GUCY1A2: variants seen among roughly 807,000 people sequenced by gnomAD.
GUCY1A2 encodes the protein guanylate cyclase soluble subunit alpha-2.
GUCY1A2 carries 27 observed loss-of-function variants against 63.5 expected under a neutral mutation model. That is an observed-to-expected ratio of 0.43 (90% CI 0.31 to 0.59). GUCY1A2 has a LOEUF of 0.59. GUCY1A2 is among the 20% of genes least tolerant of loss of function. GUCY1A2 has a pLI of 0.11. For synonymous variants in GUCY1A2, 364 were observed against 343.5 expected (o/e 1.06, Z -0.66); for missense variants, 768 against 913.3 (o/e 0.84, Z 2.05).
chr11:106,685,049 A>G lies in GUCY1A2; in HGVS notation c.*2500T>C. On this transcript the variant is annotated 3_prime_UTR_variant, in exon 8 of 8. Transcript: ENST00000526355. Reference sequence around the variant, plus strand: ...TATATAGCAACATTGTAACTACAATAATCAACTATAATAGATTAGCAAAAT... The same window carrying G: ...TATATAGCAACATTGTAACTACAATGATCAACTATAATAGATTAGCAAAAT... 1 of 205,596 alleles carries G rather than the reference A, an allele frequency of 4.9e-6. No individual in the cohort carries two copies. Among genetic ancestry groups the G allele is most frequent in the Non-Finnish European group, 1.0e-5 (1 of 100,482 alleles). The allele number at this position is 205,596 out of a possible 1,614,324, so 12.7% of individuals were successfully genotyped here.
intron 6 of GUCY1A2, among the ~76,000 whole-genome samples, chr11:106,748,699 A>G (rs902508114): frequency 3.3e-5 from 5 of 152,340 alleles, no homozygotes; most frequent in African/African-American, 1.2e-4. Flanking sequence ...ATCTCACTGT[A>G]TATGGCTTAG....
intron 6 of GUCY1A2, among the ~76,000 whole-genome samples, chr11:106,719,244 G>A (rs1160278916): frequency 6.6e-6 from 1 of 151,896 alleles, no homozygotes; most frequent in Non-Finnish European, 1.5e-5. Flanking sequence ...AGTTAATAAG[G>A]AAAATCATTT....
intron 4 of GUCY1A2, among the ~76,000 whole-genome samples, chr11:106,908,429 TG>T (rs1238456310): frequency 2.6e-5 from 4 of 151,982 alleles, no homozygotes; most frequent in Non-Finnish European, 4.4e-5. Flanking sequence ...TTTATGTAAA[TG>T]TGAAATGCAT....
intron 6 of GUCY1A2, among the ~76,000 whole-genome samples, chr11:106,758,898 A>G (rs1408160192): frequency 3.3e-5 from 5 of 152,180 alleles, no homozygotes; most frequent in African/African-American, 4.8e-5. Context: ...GGCAGAGAAG[A>G]TATTTGAAGA....
Position 106,678,339 on chromosome 11 carries a change from G to T in GUCY1A2, c.*9210C>A, listed in dbSNP as rs917882900. 2 of 208,216 alleles carry T rather than the reference G, an allele frequency of 9.6e-6. No individual in the cohort carries two copies. Among genetic ancestry groups the T allele is most frequent in the Non-Finnish European group, 2.0e-5 (2 of 102,348 alleles). The allele number at this position is 208,216 out of a possible 1,614,324, so 12.9% of individuals were successfully genotyped here. On this transcript the variant is annotated 3_prime_UTR_variant, in exon 8 of 8. Transcript: ENST00000526355. ...TTTTACCAAAAAAATTCAGAAGGAGGGTTTCACATTATTGATAAATCAACT... is the reference window on the plus strand; with the variant it reads ...TTTTACCAAAAAAATTCAGAAGGAGTGTTTCACATTATTGATAAATCAACT...
chr11:106,964,524 C>T (rs1004551877), intron 3 of GUCY1A2, among the ~76,000 whole-genome samples: 1 of 152,126 alleles, frequency 6.6e-6, no homozygotes, highest in African/African-American at 2.4e-5. Flanking sequence ...GAAGTATAAG[C>T]TGGGTTCCTC....
chr11:106,881,957 A>C (rs1859829724), intron 4 of GUCY1A2, among the ~76,000 whole-genome samples: 1 of 151,992 alleles, frequency 6.6e-6, no homozygotes, highest in Non-Finnish European at 1.5e-5. Flanking sequence ...AATCCTTCAG[A>C]ATATTCCCAG....
At chr11:106,946,402 A>G (rs1860829582) in intron 3 of GUCY1A2, among the ~76,000 whole-genome samples, 2 of 152,188 alleles carry the variant, frequency 1.3e-5, no homozygotes, top group Admixed American at 1.3e-4. Context: ...CAAGAAAATC[A>G]TATAGCTCAC....
Position 106,939,518 on chromosome 11 carries a change from G to C in GUCY1A2, c.1148C>G (p.Ser383Cys). The C allele has an allele frequency of 6.2e-7, 1 of 1,613,086 alleles. No individual in the cohort carries two copies. Among genetic ancestry groups the C allele is most frequent in the Non-Finnish European group, 8.5e-7 (1 of 1,179,100 alleles). The stretch of plus-strand genomic sequence containing the variant: ...CTTGGTTCTAATCACAAACGGGGTA[G>C]ACAGTCGCAGCAGGACCCTTTCAAA... ...ATFERVLLRL[S>C]TPFVIRTKPE... is the part of the protein sequence containing the mutation. The change falls in exon 4 of 8, where the codon TCT becomes TGT. Residue 383 changes from serine (S) to cysteine (C), a missense_variant. Ser to Cys is a moderately radical substitution (Grantham distance 112). Coordinates refer to ENST00000526355, the MANE Select transcript of GUCY1A2 (RefSeq NM_000855.3).
intron 7 of GUCY1A2, among the ~76,000 whole-genome samples, chr11:106,696,146 G>T (rs916771581): frequency 2.0e-5 from 3 of 152,072 alleles, no homozygotes; most frequent in African/African-American, 4.8e-5. Flanking sequence ...TTACATTCTT[G>T]AATTTTAGGA....
chr11:106,920,260 TG>T (rs1204270234), intron 4 of GUCY1A2, among the ~76,000 whole-genome samples: 5 of 152,050 alleles, frequency 3.3e-5, no homozygotes, highest in African/African-American at 1.2e-4. Context: ...AGAAAGTGGA[TG>T]CAGGGAGTTC....
chr11:106,857,784 A>T (rs1859457675), intron 4 of GUCY1A2, among the ~76,000 whole-genome samples: 1 of 152,238 alleles, frequency 6.6e-6, no homozygotes. Flanking sequence ...CATAGCATTT[A>T]CATTGTATTA....
chr11:106,692,327 C>T (rs1862639642), intron 7 of GUCY1A2, among the ~76,000 whole-genome samples: 1 of 152,122 alleles, frequency 6.6e-6, no homozygotes, highest in Non-Finnish European at 1.5e-5. Flanking sequence ...GTTTACCTGC[C>T]TGTCACCCTT....
chr11:106,920,884 G>A (rs1464128359), intron 4 of GUCY1A2, among the ~76,000 whole-genome samples: 5 of 151,978 alleles, frequency 3.3e-5, no homozygotes, highest in Non-Finnish European at 7.4e-5. Flanking sequence ...TAATGGTAAT[G>A]CAGTAGCTAC....
intron 4 of GUCY1A2, among the ~76,000 whole-genome samples, chr11:106,876,385 T>TA (rs1173176667): frequency 4.0e-5 from 6 of 151,440 alleles, no homozygotes; most frequent in African/African-American, 1.5e-4. Context: ...AAGTGAATTG[T>TA]AAAAAAATTA....
At chr11:106,813,288 G>C (rs1037477995) in intron 4 of GUCY1A2, among the ~76,000 whole-genome samples, 1 of 151,982 alleles carries the variant, frequency 6.6e-6, no homozygotes, top group East Asian at 1.9e-4. Flanking sequence ...CTGAGCTATA[G>C]TAAAGGGTTA....
intron 5 of GUCY1A2, among the ~76,000 whole-genome samples, chr11:106,780,787 G>C (rs79225997): frequency 0.045 from 6,837 of 152,198 alleles, 147 homozygotes; most frequent in East Asian, 0.092. Flanking sequence ...ATTAAGTAAA[G>C]TGTATGTAAT....
chr11:106,924,137 A>G lies in GUCY1A2; in HGVS notation c.1206+15323T>C, dbSNP rs187508019. 2.6e-5 allele frequency among the ~76,000 whole-genome samples: 4 copies of G among 152,312 alleles called. No individual in the cohort carries two copies. In the East Asian group the frequency reaches 7.7e-4, roughly 29 times the overall value. ...ATATGTTTTGTCATAACATTTTTAA[A>G]AATTACAAATTGTCAGTAGTATAAT... On this transcript the variant is annotated intron_variant, in intron 4 of 7. Coordinates refer to ENST00000526355, the MANE Select transcript of GUCY1A2 (RefSeq NM_000855.3).
chr11:106,804,768 C>G (rs1320570108), intron 5 of GUCY1A2, among the ~76,000 whole-genome samples: 2 of 152,194 alleles, frequency 1.3e-5, no homozygotes, highest in African/African-American at 4.8e-5. Flanking sequence ...GTAGACTTGT[C>G]CTGTGCACCC....
Sources: gnomAD v4.1 joint callset for allele counts (sites outside exome capture counted in the v4.1 genomes callset) on GRCh38, gnomAD v4.1.1 for gene constraint, MANE v1.5 for transcripts, NCBI Gene and HGNC (gene_info 2026-07-23, HGNC 2026-07-21) for gene names.